The following CPEB2 variants were observed in gnomAD, a reference collection of about 807,000 sequenced individuals.
CPEB2 encodes the protein cytoplasmic polyadenylation element binding protein 2.
A neutral mutation model predicts 93.6 loss-of-function variants in CPEB2; 56 were observed. The ratio of observed to expected loss-of-function variants is 0.60; its 90% confidence interval spans 0.48 to 0.75. The LOEUF (loss-of-function observed/expected upper bound fraction) is 0.75. Ranked by LOEUF, CPEB2 falls within the 30% of genes least tolerant of loss-of-function variation. The pLI, the probability that CPEB2 is intolerant of heterozygous loss-of-function variation, is 0.00. For synonymous variants in CPEB2, 764 were observed against 586.3 expected, an observed-to-expected ratio of 1.30 and a Z score of -4.38; for missense variants, 1,579 against 1,395.1, an observed-to-expected ratio of 1.13 and a Z score of -2.10.
rs1289433370 is a variant in CPEB2 at position 15,003,488 on chromosome 4, C to G, written c.815C>G (p.Pro272Arg). 9.3e-6 allele frequency: 13 copies of G among 1,400,372 alleles called. No homozygotes were observed. Among genetic ancestry groups the G allele is most frequent in the African/African-American group, 1.5e-5 (1 of 66,054 alleles). The allele number at this position is 1,400,372 out of a possible 1,614,324, so 86.7% of individuals were successfully genotyped here. The change falls in exon 1 of 12, where the codon CCG becomes CGG. Residue 272 changes from proline (P) to arginine (R), a missense_variant. By Grantham distance (103) the Pro-to-Arg change is moderately radical. Around this residue, in one of 2 missense-constraint regions of CPEB2, gnomAD observed 1,411 missense variants for 1,056.0 expected, o/e 1.34. Coordinates refer to ENST00000538197, the MANE Select transcript of CPEB2 (RefSeq NM_001177382.2). ...CTCCCTCCCTCGCCGCCTGCAGCCC[C>G]GCGGCGCCGCCACGGAGGCGCGGGC... Reference protein sequence around the residue: ...PQLPPSPPAAPRRRHGGAGSP... With the variant: ...PQLPPSPPAARRRRHGGAGSP...
intron 4 of CPEB2, chr4:15,017,902 A>C (rs1033721476): frequency 4.4e-4 from 67 of 151,884 alleles, no homozygotes; most frequent in African/African-American, 1.5e-3. Context: ...AATGAAAAAA[A>C]GCAATTATTA....
intron 1 of CPEB2, among the ~76,000 whole-genome samples, chr4:15,004,761 A>T (rs1025272223): frequency 1.3e-5 from 2 of 150,974 alleles, no homozygotes; most frequent in Non-Finnish European, 3.0e-5. Context: ...GCCGCCCCGG[A>T]CCCCCGACGC....
At chr4:15,018,125 C>T (rs1405661155) in intron 4 of CPEB2, among the ~76,000 whole-genome samples, 3 of 151,814 alleles carry the variant, frequency 2.0e-5, no homozygotes, top group Non-Finnish European at 4.4e-5. Context: ...TTTATTCTGG[C>T]TCAAAATCTC....
chr4:15,054,359 T>G, intron 8 of CPEB2, 142 bp downstream of exon 8: 1 of 661,880 alleles, frequency 1.5e-6, no homozygotes, highest in South Asian at 1.8e-5. Context: ...AACAAATGTT[T>G]GAGTATTTTC....
At chr4:15,022,465 A>G (rs1167647280) in intron 4 of CPEB2, among the ~76,000 whole-genome samples, 3 of 152,100 alleles carry the variant, frequency 2.0e-5, no homozygotes, top group African/African-American at 7.2e-5. Flanking sequence ...AAAAGAGTAT[A>G]GAAGAAAATC....
chr4:15,018,911 A>C (rs1224058722), intron 4 of CPEB2, among the ~76,000 whole-genome samples: 1 of 145,518 alleles, frequency 6.9e-6, no homozygotes, highest in Non-Finnish European at 1.5e-5. Flanking sequence ...AAGGAAATGG[A>C]AGCATTATAA....
In CPEB2 at chr4:15,003,883, C is replaced by G; in HGVS notation, c.1210C>G (p.Gln404Glu). 3.4e-6 allele frequency: 3 copies of G among 870,204 alleles called. No individual in the cohort carries two copies. The highest frequency in any genetic ancestry group is 4.3e-5 in the East Asian group (1 of 23,066). 53.9% of individuals were successfully genotyped at this position (870,204 alleles called of 1,614,324 possible). ...GCAGCCGCCGCCGACCCAGCCGCAG[C>G]AGCAGCCGCCGCCACCCCAGCAGCC... ...PQQPPPTQPQ[Q>E]QPPPPQQPPQ... The change falls in exon 1 of 12, where the codon CAG (glutamine) becomes GAG (glutamate). Residue 404 changes from glutamine to glutamate, a missense_variant. By Grantham distance (29) the Gln-to-Glu change is conservative. Coordinates refer to ENST00000538197, the MANE Select transcript of CPEB2 (RefSeq NM_001177382.2).
At chr4:15,033,085 T>C (rs1726283717) in intron 4 of CPEB2, 76 bp from the exon 5 acceptor site, 6 of 975,774 alleles carry the variant, frequency 6.1e-6, no homozygotes, top group Admixed American at 2.2e-5. Context: ...GCCTTTGTTG[T>C]TGTTTTTTGT....
intron 3 of CPEB2, among the ~76,000 whole-genome samples, chr4:15,015,799 GT>G (rs1724067136): frequency 6.6e-6 from 1 of 151,916 alleles, no homozygotes; most frequent in Non-Finnish European, 1.5e-5. Flanking sequence ...TTCATATGCT[GT>G]TTTTTTCCAA....
chr4:15,059,119 A>G, intron 9 of CPEB2, 68 bp from the exon 10 acceptor site: 3 of 939,822 alleles, frequency 3.2e-6, no homozygotes, highest in Non-Finnish European at 4.9e-6. Flanking sequence ...TTAACTGGCA[A>G]AAACAAACAA....
At chr4:15,052,848 A>G (rs1415755570) in intron 7 of CPEB2, among the ~76,000 whole-genome samples, 3 of 152,098 alleles carry the variant, frequency 2.0e-5, no homozygotes, top group African/African-American at 4.8e-5. Context: ...GACCTAGGTC[A>G]TATTCTACTT....
At position 15,003,088 on chromosome 4, in the gene CPEB2, G is replaced by C; in HGVS notation, c.415G>C (p.Asp139His). 1 of 1,532,668 alleles carries C rather than the reference G, an allele frequency of 6.5e-7. No individual in the cohort carries two copies. Among genetic ancestry groups the C allele is most frequent in the Non-Finnish European group, 8.7e-7 (1 of 1,145,830 alleles). The allele number at this position is 1,532,668 out of a possible 1,614,324, so 94.9% of individuals were successfully genotyped here. Residue 139 changes from aspartate (D) to histidine (H), a missense_variant, in exon 1 of 12, where the codon GAC becomes CAC. Around this residue, in one of 2 missense-constraint regions of CPEB2, gnomAD observed 1,411 missense variants for 1,056.0 expected, o/e 1.34. Transcript: ENST00000538197. ...AGVTHLLPSQ[D>H]FKPSLHHPSS... ...TGTGACCCACCTCCTCCCCTCCCAG[G>C]ACTTCAAACCGAGTCTGCACCACCC...
intron 3 of CPEB2, chr4:15,010,605 G>A (rs1723346266): frequency 6.6e-6 from 1 of 152,018 alleles, no homozygotes; most frequent in African/African-American, 2.4e-5. Context: ...TAAAATGTTG[G>A]GTAGTTTCTC....
chr4:15,005,400 C>T (rs77685871), intron 1 of CPEB2, among the ~76,000 whole-genome samples: 6,963 of 152,254 alleles, frequency 0.046, 543 homozygotes, highest in African/African-American at 0.16. Context: ...TGAAATGACA[C>T]TGGGCAGAAT....
chr4:15,054,501 T>C (rs1348745065), intron 8 of CPEB2, among the ~76,000 whole-genome samples: 4 of 152,210 alleles, frequency 2.6e-5, no homozygotes, highest in African/African-American at 4.8e-5. Flanking sequence ...AGTTGAAATA[T>C]CAGATTTACA....
intron 4 of CPEB2, among the ~76,000 whole-genome samples, chr4:15,022,150 C>A (rs1419902899): frequency 6.6e-6 from 1 of 151,990 alleles, no homozygotes; most frequent in African/African-American, 2.4e-5. Context: ...CAGGGCCCAC[C>A]CTAGAAGTGG....
intron 1 of CPEB2, among the ~76,000 whole-genome samples, chr4:15,006,857 A>G (rs1722877357): frequency 6.6e-6 from 1 of 152,206 alleles, no homozygotes; most frequent in Non-Finnish European, 1.5e-5. Flanking sequence ...CATAAAGTCT[A>G]TATATTTCAC....
At chr4:15,007,816 A>C (rs1723024120) in intron 2 of CPEB2, among the ~76,000 whole-genome samples, 1 of 152,130 alleles carries the variant, frequency 6.6e-6, no homozygotes, top group African/African-American at 2.4e-5. Context: ...ACGTAGAAAA[A>C]CCTTTTGTAT....
At chr4:15,059,100 G>T in intron 9 of CPEB2, 87 bp from the exon 10 acceptor site, 1 of 683,620 alleles carries the variant, frequency 1.5e-6, no homozygotes, top group South Asian at 2.3e-5. Context: ...AGCAATAAAA[G>T]AATCACTATT....
Sources: allele counts gnomAD v4.1 joint callset (sites outside exome capture counted in the v4.1 genomes callset), GRCh38; gene constraint gnomAD v4.1.1; regional missense constraint gnomAD v4.1.1; transcripts MANE v1.5; gene names NCBI Gene and HGNC (gene_info 2026-07-23, HGNC 2026-07-21).